Variants in SH3GLB1 observed in about 807,000 individuals in gnomAD.
SH3GLB1 encodes endophilin-B1.
Under a neutral mutation model 42.0 loss-of-function variants are expected in SH3GLB1, and 17 were observed. That is an observed-to-expected ratio of 0.40 (90% CI 0.28 to 0.61). The LOEUF (loss-of-function observed/expected upper bound fraction) is 0.61, where lower values mean the gene tolerates loss of function less well. Among genes scored for constraint, SH3GLB1 ranks in the 20% least tolerant of loss-of-function variants. The pLI, the probability that SH3GLB1 is intolerant of heterozygous loss-of-function variation, is 0.36. For synonymous variants in SH3GLB1, 132 were observed against 146.6 expected, an observed-to-expected ratio of 0.90 and a Z score of 0.72; for missense variants, 355 against 426.3, an observed-to-expected ratio of 0.83 and a Z score of 1.47.
intron 5 of SH3GLB1, among the ~76,000 whole-genome samples, chr1:86,726,517 A>G (rs1655203850): frequency 9.3e-6 from 1 of 107,796 alleles, no homozygotes; most frequent in South Asian, 2.6e-4. Context: ...ATTTATGTTT[A>G]AAGTAAAAGA....
At chr1:86,735,030 A>G in intron 6 of SH3GLB1, 49 bp from the exon 7 acceptor site, 2 of 1,421,038 alleles carry the variant, frequency 1.4e-6, no homozygotes, top group Non-Finnish European at 9.9e-7. Context: ...TGCATTTGCC[A>G]TTTAAGTTGA....
intron 7 of SH3GLB1, among the ~76,000 whole-genome samples, chr1:86,738,477 G>C (rs944233049): frequency 2.0e-5 from 3 of 152,150 alleles, no homozygotes; most frequent in African/African-American, 4.8e-5. Context: ...GTGTTAGCCA[G>C]GATGGTCTCG....
At chr1:86,735,686 T>G (rs1655747365) in intron 7 of SH3GLB1, among the ~76,000 whole-genome samples, 1 of 152,214 alleles carries the variant, frequency 6.6e-6, no homozygotes, top group South Asian at 2.1e-4. Flanking sequence ...TCATCACGTA[T>G]TTATTGACTA....
At chr1:86,734,389 A>G (rs1655673574) in intron 5 of SH3GLB1, 7 of 461,916 alleles carry the variant, frequency 1.5e-5, no homozygotes, top group Middle Eastern at 6.2e-4. Flanking sequence ...ATTCTTTTCA[A>G]TCAAGTACTG....
chr1:86,724,202 A>G lies in SH3GLB1; in HGVS notation c.478-111A>G, dbSNP rs530120805. 22 of 690,462 alleles carry G rather than the reference A, an allele frequency of 3.2e-5. No individual in the cohort carries two copies. In the East Asian group the frequency reaches 6.6e-4, roughly 21 times the overall value. 42.8% of individuals were successfully genotyped at this position (690,462 alleles called of 1,614,324 possible). On this transcript the variant is annotated intron_variant, in intron 4 of 8. Coordinates refer to ENST00000370558, the MANE Select transcript of SH3GLB1 (RefSeq NM_016009.5). ...TTTATAGCCAATTTTGTAGTCATAGATCTTTATCAAGTGATACATATGTTT... is the reference window on the plus strand; with the variant it reads ...TTTATAGCCAATTTTGTAGTCATAGGTCTTTATCAAGTGATACATATGTTT...
chr1:86,713,574 CAT>C (rs761496104), intron 1 of SH3GLB1, among the ~76,000 whole-genome samples: 4 of 152,124 alleles, frequency 2.6e-5, no homozygotes, highest in Admixed American at 6.5e-5. Context: ...TAGATCTTAA[CAT>C]AGTTCATATC....
At chr1:86,738,923 C>T (rs1371870289) in intron 7 of SH3GLB1, among the ~76,000 whole-genome samples, 1 of 152,176 alleles carries the variant, frequency 6.6e-6, no homozygotes, top group Non-Finnish European at 1.5e-5. Flanking sequence ...GGATTATAGG[C>T]GTGAGCCACC....
chr1:86,731,778 A>G (rs1004378119), intron 5 of SH3GLB1, among the ~76,000 whole-genome samples: 4 of 152,096 alleles, frequency 2.6e-5, no homozygotes, highest in African/African-American at 7.2e-5. Flanking sequence ...TGACATTTTT[A>G]TAATTAAAAA....
intron 4 of SH3GLB1, 83 bp downstream of exon 4, chr1:86,722,756 CTG>C (rs1396631365): frequency 3.5e-6 from 4 of 1,156,856 alleles, no homozygotes; most frequent in Non-Finnish European, 3.6e-6. Context: ...CTCTTAATGA[CTG>C]TGTAGATGTA....
chr1:86,717,084 C>T (rs1654578573), intron 2 of SH3GLB1, among the ~76,000 whole-genome samples: 1 of 152,112 alleles, frequency 6.6e-6, no homozygotes, highest in South Asian at 2.1e-4. Flanking sequence ...ATTCAGTATA[C>T]CCAGGTAGCA....
intron 7 of SH3GLB1, chr1:86,738,618 G>A (rs1477124404): frequency 6.6e-6 from 1 of 152,116 alleles, no homozygotes; most frequent in African/African-American, 2.4e-5. Flanking sequence ...TGGACACAAA[G>A]AGGTCAAGAA....
At chr1:86,737,737 A>C (rs1331936289) in intron 7 of SH3GLB1, among the ~76,000 whole-genome samples, 1 of 152,222 alleles carries the variant, frequency 6.6e-6, no homozygotes, top group African/African-American at 2.4e-5. Flanking sequence ...TATGTATATA[A>C]ATTATATAGT....
At chr1:86,718,307 A>T (rs552204200) in intron 2 of SH3GLB1, among the ~76,000 whole-genome samples, 59 of 152,250 alleles carry the variant, frequency 3.9e-4, no homozygotes, top group African/African-American at 1.4e-3. Flanking sequence ...TGGCCTCCCA[A>T]AGTGCTGGGA....
intron 7 of SH3GLB1, among the ~76,000 whole-genome samples, chr1:86,741,655 T>G (rs1482173963): frequency 6.6e-6 from 1 of 152,214 alleles, no homozygotes; most frequent in African/African-American, 2.4e-5. Flanking sequence ...TCATTTCATC[T>G]TACGTCTTCT....
At chr1:86,719,470 T>C (rs763934977) in intron 2 of SH3GLB1, 37 bp from the exon 3 acceptor site, 2 of 1,582,500 alleles carry the variant, frequency 1.3e-6, no homozygotes, top group Non-Finnish European at 1.7e-6. Context: ...TAGTTTTGCT[T>C]TTTAGAAATC....
intron 5 of SH3GLB1, among the ~76,000 whole-genome samples, chr1:86,724,892 A>AAAAATATATATATATATATATATATATAT (rs1291454820): frequency 6.0e-5 from 6 of 99,664 alleles, no homozygotes; most frequent in African/African-American, 1.1e-4. Context: ...AAAAAAAAAA[A>AAAAATATATATATATATATATATATATAT]ATATATATAT....
At position 86,704,841 on chromosome 1, in the gene SH3GLB1, C is replaced by T; in HGVS notation, c.-59C>T. ...CTCTAGCCCTGCGCCCCAGCCCGGCCGCGGCACCTCCGCCTCGCCGCCGCT... is the reference window on the plus strand; with the variant it reads ...CTCTAGCCCTGCGCCCCAGCCCGGCTGCGGCACCTCCGCCTCGCCGCCGCT... On this transcript the variant is annotated 5_prime_UTR_variant, in exon 1 of 9. Coordinates refer to ENST00000370558, the MANE Select transcript of SH3GLB1 (RefSeq NM_016009.5). 8.1e-7 allele frequency: 1 copy of T among 1,238,632 alleles called. No homozygotes were observed. Among genetic ancestry groups the T allele is most frequent in the Non-Finnish European group, 1.1e-6 (1 of 886,376 alleles). The allele number at this position is 1,238,632 out of a possible 1,614,324, so 76.7% of individuals were successfully genotyped here.
rs1291454820 is a variant in SH3GLB1 at position 86,724,892 on chromosome 1, A to AAAAAT, written c.570+488_570+489insAAATA. ...CTGTCTTTAAAAAAAAAAAAAAAAA[A>AAAAAT]ATATATATATATATATATATAAAAT... On this transcript the variant is annotated intron_variant, in intron 5 of 8. Transcript: ENST00000370558. 9.8e-3 allele frequency among the ~76,000 whole-genome samples: 979 copies of AAAAAT among 99,606 alleles called. 17 individuals carry two copies. The highest frequency in any genetic ancestry group is 0.016 in the Non-Finnish European group (873 of 54,332). 65.3% of individuals were successfully genotyped at this position (99,606 alleles called of 152,430 possible). A position where few individuals can be genotyped will look rare whatever the true frequency, so the allele number is the denominator to read the frequency against.
chr1:86,724,889 AAAAATATATATAT>A (rs1052977117), intron 5 of SH3GLB1, among the ~76,000 whole-genome samples: 7 of 119,026 alleles, frequency 5.9e-5, no homozygotes, highest in African/African-American at 3.0e-4. Context: ...AAAAAAAAAA[AAAAATATATATAT>A]ATATATATAT....
Sources: gnomAD v4.1 joint callset for allele counts (sites outside exome capture counted in the v4.1 genomes callset) on GRCh38, gnomAD v4.1.1 for gene constraint, MANE v1.5 for transcripts, NCBI Gene and HGNC (gene_info 2026-07-23, HGNC 2026-07-21) for gene names.